The following NBPF15 variants were observed in gnomAD, a reference collection of about 807,000 sequenced individuals.
NBPF15 encodes the protein NBPF family member NBPF15.
NBPF15 carries 74 observed loss-of-function variants against 62.2 expected under a neutral mutation model. That is an observed-to-expected ratio of 1.19 (90% CI 0.99 to 1.44). The LOEUF (loss-of-function observed/expected upper bound fraction) is 1.44. Ranked by LOEUF, NBPF15 falls within the 40% of genes most tolerant of loss-of-function variation. The pLI is 0.00. For synonymous variants in NBPF15, 244 were observed against 209.7 expected (o/e 1.16, Z -1.41); for missense variants, 790 against 550.0 (o/e 1.44, Z -4.36).
chr1:144,427,001 C>A (rs1488035039), intron 17 of NBPF15, 46 bp downstream of exon 17: 12 of 757,102 alleles, frequency 1.6e-5, no homozygotes, highest in Non-Finnish European at 2.9e-5. Flanking sequence ...CCTGGCATCT[C>A]CAGGTGTCAA....
intron 8 of NBPF15, among the ~76,000 whole-genome samples, chr1:144,438,319 G>A (rs1680180947): frequency 6.6e-6 from 1 of 151,100 alleles, no homozygotes; most frequent in Non-Finnish European, 1.5e-5. Context: ...AGAATTCACA[G>A]TCCCTGAGGT....
intron 8 of NBPF15, among the ~76,000 whole-genome samples, chr1:144,438,380 A>C (rs2102149938): frequency 6.6e-6 from 1 of 151,922 alleles, no homozygotes; most frequent in East Asian, 1.9e-4. Flanking sequence ...CTCTCCTCTA[A>C]AACACTGCAC....
Position 144,436,926 on chromosome 1 carries a change from C to T in NBPF15, c.462G>A (p.Leu154=). The change falls in exon 10 of 22, where the codon CTG becomes CTA. Residue 154 remains leucine, a synonymous_variant. Coordinates refer to ENST00000581897, the MANE Select transcript of NBPF15 (RefSeq NM_001385408.1). ...LQEQLAEGCR[L]TQHLVQKLSP... ...TGAGCTTTTGGACAAGGTGCTGTGT[C>T]AGTCTACACCCCTCAGCCAGCTGTT... 1 of 1,612,216 alleles carries T rather than the reference C, an allele frequency of 6.2e-7. No homozygotes were observed. The highest frequency in any genetic ancestry group is 8.5e-7 in the Non-Finnish European group (1 of 1,179,604).
rs1469178958 is a variant in NBPF15, at chr1:144,427,989, G to A, written c.1042C>T (p.Leu348Phe). ...TTCTCATCCAGCAGCTCCCTGCTGA[G>A]CCTGGAAAAGTGGGAAAAAGTAAAG... ...KEDQEATGPR[L>F]SRELLDEKEP... Residue 348 changes from leucine to phenylalanine, a missense_variant and splice_region_variant, in exon 16 of 22, where the codon CTC (leucine) becomes TTC (phenylalanine). By Grantham distance (22) the Leu-to-Phe change is conservative (BLOSUM62 0). Coordinates refer to ENST00000581897, the MANE Select transcript of NBPF15 (RefSeq NM_001385408.1). 2.7e-6 allele frequency: 2 copies of A among 749,498 alleles called. No homozygotes were observed. Among genetic ancestry groups the A allele is most frequent in the Non-Finnish European group, 5.0e-6 (2 of 403,670 alleles). The allele number at this position is 749,498 out of a possible 1,614,324, so 46.4% of individuals were successfully genotyped here.
intron 17 of NBPF15, among the ~76,000 whole-genome samples, chr1:144,426,806 G>T (rs1302221183): frequency 4.0e-5 from 6 of 151,114 alleles, no homozygotes; most frequent in Non-Finnish European, 8.9e-5. Flanking sequence ...ACTTGCTCAA[G>T]ATTCCATGCA....
At chr1:144,451,680 A>C (rs1553545553) in intron 4 of NBPF15, among the ~76,000 whole-genome samples, 1 of 151,504 alleles carries the variant, frequency 6.6e-6, no homozygotes, top group African/African-American at 2.4e-5. Context: ...AACAGCCCTT[A>C]ATCCATTTAA....
chr1:144,427,787 A>T, intron 16 of NBPF15, 31 bp downstream of exon 16: 1 of 632,338 alleles, frequency 1.6e-6, no homozygotes, highest in South Asian at 1.9e-5. Context: ...GACTCAGTGG[A>T]TCCTTATCAC....
chr1:144,445,332 A>AATATATATATAC (rs1261424332), intron 6 of NBPF15, among the ~76,000 whole-genome samples: 6 of 92,526 alleles, frequency 6.5e-5, no homozygotes, highest in African/African-American at 2.4e-4. Context: ...CAAAACGGTG[A>AATATATATATAC]ATATATATAT....
chr1:144,436,619 G>A (rs1298701758), intron 10 of NBPF15, among the ~76,000 whole-genome samples: 7 of 151,876 alleles, frequency 4.6e-5, no homozygotes, highest in East Asian at 1.9e-4. Context: ...TGCTCCCATC[G>A]CAGCCTCCTT....
chr1:144,427,214 C>G, intron 16 of NBPF15, 116 bp from the exon 17 acceptor site: 2 of 672,940 alleles, frequency 3.0e-6, no homozygotes, highest in Non-Finnish European at 2.7e-6. Flanking sequence ...GAATAGGACA[C>G]TGTGAGAGAT....
Position 144,422,640 on chromosome 1 carries a change from C to A in NBPF15, c.*373G>T, listed in dbSNP as rs1266508008. 27 of 370,830 alleles carry A rather than the reference C, an allele frequency of 7.3e-5. No homozygotes were observed. Among genetic ancestry groups the A allele is most frequent in the African/African-American group, 6.0e-4 (25 of 41,618 alleles). The allele number at this position is 370,830 out of a possible 1,614,324, so 23.0% of individuals were successfully genotyped here. ...TAGGTTCATTGAAACCAGGGTAACACCTTTGGATGAGCTAAACACAAAGAT... is the reference window on the plus strand; with the variant it reads ...TAGGTTCATTGAAACCAGGGTAACAACTTTGGATGAGCTAAACACAAAGAT... On this transcript the variant is annotated 3_prime_UTR_variant, in exon 22 of 22. Coordinates refer to ENST00000581897, the MANE Select transcript of NBPF15 (RefSeq NM_001385408.1).
In NBPF15 at chr1:144,428,018, A is replaced by T. The variant is rs1464007314; in HGVS notation, c.1041-28T>A. ...GGAAAAGTGGGAAAAAGTAAAGAAT[A>T]AGCCAGGGGGAATCAGAAACCACAC... On this transcript the variant is annotated intron_variant, in intron 15 of 21. Transcript: ENST00000581897. The T allele has an allele frequency of 1.1e-3, 862 of 761,862 alleles. 12 individuals carry two copies. In the African/African-American group the frequency reaches 0.013, roughly 11 times the overall value. The allele number at this position is 761,862 out of a possible 1,614,324, so 47.2% of individuals were successfully genotyped here. A position where few individuals can be genotyped will look rare whatever the true frequency, so the allele number is the denominator to read the frequency against.
chr1:144,449,591 A>G (rs1413245738), intron 5 of NBPF15, among the ~76,000 whole-genome samples: 8 of 152,044 alleles, frequency 5.3e-5, no homozygotes, highest in Non-Finnish European at 7.4e-5. Flanking sequence ...GAGTGTGAGG[A>G]AAATGATAAA....
chr1:144,459,064 T>C (rs1295088954), intron 3 of NBPF15, among the ~76,000 whole-genome samples: 1 of 150,474 alleles, frequency 6.6e-6, no homozygotes, highest in African/African-American at 2.4e-5. Context: ...ATGCAAAAAC[T>C]AAAATAAAAT....
At chr1:144,444,548 G>T (rs1685889545) in intron 6 of NBPF15, among the ~76,000 whole-genome samples, 1 of 151,744 alleles carries the variant, frequency 6.6e-6, no homozygotes, top group Non-Finnish European at 1.5e-5. Context: ...GACCCATTTA[G>T]ATTAACTGAA....
intron 20 of NBPF15, among the ~76,000 whole-genome samples, chr1:144,424,270 C>T (rs1558596633): frequency 6.6e-6 from 1 of 151,586 alleles, no homozygotes; most frequent in South Asian, 2.1e-4. Flanking sequence ...AAGCAAATAC[C>T]CTCAAATGAT....
At chr1:144,423,792 A>C in intron 21 of NBPF15, 78 bp downstream of exon 21, 1 of 733,324 alleles carries the variant, frequency 1.4e-6, no homozygotes, top group South Asian at 1.5e-5. Context: ...CATGACATCA[A>C]ACACACTCTG....
At chr1:144,442,131 G>GTA (rs587604951) in intron 6 of NBPF15, among the ~76,000 whole-genome samples, 9 of 33,136 alleles carry the variant, frequency 2.7e-4, no homozygotes, top group Middle Eastern at 0.031. Context: ...ATATACACGT[G>GTA]TATATATATA....
chr1:144,423,190 A>G lies in NBPF15; in HGVS notation c.1836T>C (p.Tyr612=), dbSNP rs1413170758. Reference sequence around the variant, plus strand: ...GTTCAAAGTACATTGACGGAGTCGAATAACATCTATCCAGTGAGTCCTGTA... The same window carrying G: ...GTTCAAAGTACATTGACGGAGTCGAGTAACATCTATCCAGTGAGTCCTGTA... ...EVLQDSLDRC[Y]STPSMYFEQP... The change falls in exon 22 of 22, where the codon TAT becomes TAC. Residue 612 remains tyrosine, a synonymous_variant. Coordinates refer to ENST00000581897, the MANE Select transcript of NBPF15 (RefSeq NM_001385408.1). The G allele has an allele frequency of 8.1e-6, 13 of 1,611,504 alleles. No individual in the cohort carries two copies. The highest frequency in any genetic ancestry group is 6.7e-5 in the African/African-American group (5 of 74,764).
Sources: allele counts gnomAD v4.1 joint callset (sites outside exome capture counted in the v4.1 genomes callset), GRCh38; gene constraint gnomAD v4.1.1; transcripts MANE v1.5; gene names NCBI Gene and HGNC (gene_info 2026-07-23, HGNC 2026-07-21).